LGSN: variants seen among roughly 807,000 people sequenced by gnomAD.
LGSN encodes lengsin, lens protein with glutamine synthetase domain.
Under a neutral mutation model 19.5 loss-of-function variants are expected in LGSN, and 21 were observed. The observed-to-expected ratio is 1.07, with a 90% CI of 0.76 to 1.55. The LOEUF (loss-of-function observed/expected upper bound fraction) is 1.55. Among genes scored for constraint, LGSN ranks in the 40% most tolerant of loss-of-function variants. LGSN has a pLI of 0.00. For missense variants in LGSN, 673 were observed against 608.5 expected (o/e 1.11, Z -1.12); for synonymous variants, 257 against 215.6 (o/e 1.19, Z -1.68).
the LGSN span, among the ~76,000 whole-genome samples, chr6:63,368,807 CAG>C: frequency 7.2e-5 from 11 of 152,152 alleles, no homozygotes; most frequent in African/African-American, 2.4e-4. Flanking sequence ...AAGCCTGGCA[CAG>C]AGTTACTGCA....
the LGSN span, among the ~76,000 whole-genome samples, chr6:63,488,504 A>T: frequency 1.3e-5 from 2 of 152,106 alleles, no homozygotes; most frequent in African/African-American, 4.8e-5. Flanking sequence ...AGCCTTTTTC[A>T]TGAAGGGAAA....
chr6:63,308,330 G>T (rs1224766154), intron 1 of LGSN, among the ~76,000 whole-genome samples: 2 of 152,082 alleles, frequency 1.3e-5, no homozygotes, highest in Non-Finnish European at 2.9e-5. Context: ...TTCATTACAA[G>T]ACATTTTCAT....
At chr6:63,356,426 C>T in the LGSN span, among the ~76,000 whole-genome samples, 1 of 152,056 alleles carries the variant, frequency 6.6e-6, no homozygotes, top group African/African-American at 2.4e-5. Flanking sequence ...CCTGTGATCC[C>T]AGCTACTCGG....
the LGSN span, among the ~76,000 whole-genome samples, chr6:63,548,390 C>T: frequency 5.8e-4 from 88 of 152,282 alleles, no homozygotes; most frequent in African/African-American, 1.9e-3. Context: ...AGGCTTAGAA[C>T]GGCACTAGGC....
intron 1 of LGSN, among the ~76,000 whole-genome samples, chr6:63,303,314 G>A (rs1768261497): frequency 6.6e-6 from 1 of 152,136 alleles, no homozygotes; most frequent in Admixed American, 6.5e-5. Context: ...GAAGGCTAAT[G>A]CAATAACAAT....
chr6:63,315,979 T>C (rs1768834612), intron 1 of LGSN, among the ~76,000 whole-genome samples: 1 of 151,990 alleles, frequency 6.6e-6, no homozygotes. Flanking sequence ...GCTTGGAATT[T>C]GCAATGAATC....
the LGSN span, among the ~76,000 whole-genome samples, chr6:63,397,841 GAGGC>G: frequency 6.6e-6 from 1 of 152,042 alleles, no homozygotes; most frequent in Non-Finnish European, 1.5e-5. Flanking sequence ...TCGGGAAGCT[GAGGC>G]ACAAGAATCA....
the LGSN span, among the ~76,000 whole-genome samples, chr6:63,423,200 G>A: frequency 2.6e-5 from 4 of 152,112 alleles, no homozygotes; most frequent in Admixed American, 2.6e-4. Context: ...TAAAAAATGA[G>A]CCAGGAGCAG....
the LGSN span, among the ~76,000 whole-genome samples, chr6:63,421,859 T>G: frequency 1.3e-5 from 2 of 152,148 alleles, no homozygotes; most frequent in South Asian, 4.1e-4. Context: ...TCCTCACAGT[T>G]CTGGAGGGAA....
At chr6:63,281,554 T>G (rs1034636377) in intron 3 of LGSN, among the ~76,000 whole-genome samples, 2 of 151,924 alleles carry the variant, frequency 1.3e-5, no homozygotes, top group Non-Finnish European at 2.9e-5. Flanking sequence ...AGGAAAAGCC[T>G]TATGGAATTA....
chr6:63,431,399 A>T, the LGSN span, among the ~76,000 whole-genome samples: 2 of 152,324 alleles, frequency 1.3e-5, no homozygotes, highest in East Asian at 1.9e-4. Context: ...TGATCCCCAG[A>T]TGTTGACATC....
the LGSN span, among the ~76,000 whole-genome samples, chr6:63,463,415 C>G: frequency 6.6e-6 from 1 of 152,064 alleles, no homozygotes; most frequent in Non-Finnish European, 1.5e-5. Context: ...GTCTCATCTG[C>G]CACTCTTGTA....
the LGSN span, among the ~76,000 whole-genome samples, chr6:63,368,112 A>G: frequency 6.8e-6 from 1 of 147,570 alleles, no homozygotes; most frequent in Non-Finnish European, 1.5e-5. Context: ...GAAAAAAAGA[A>G]GCCAGAAAAA....
the LGSN span, among the ~76,000 whole-genome samples, chr6:63,569,308 T>C: frequency 6.6e-6 from 1 of 152,204 alleles, no homozygotes; most frequent in Non-Finnish European, 1.5e-5. Flanking sequence ...CAGGCTAGAG[T>C]GCAGTGCCAT....
the LGSN span, among the ~76,000 whole-genome samples, chr6:63,532,403 T>C: frequency 6.6e-6 from 1 of 152,182 alleles, no homozygotes; most frequent in African/African-American, 2.4e-5. Context: ...GCTCACATAC[T>C]ACCAGTACCA....
the LGSN span, among the ~76,000 whole-genome samples, chr6:63,378,681 C>G: frequency 6.6e-6 from 1 of 152,050 alleles, no homozygotes; most frequent in Non-Finnish European, 1.5e-5. Flanking sequence ...GAGGGAGATG[C>G]CAGGCTCTTT....
At chr6:63,335,719 C>T in the LGSN span, among the ~76,000 whole-genome samples, 471 of 151,778 alleles carry the variant, frequency 3.1e-3, 3 homozygotes, top group African/African-American at 0.01. Context: ...TTAGTGGAAA[C>T]GTAAATTAAT....
chr6:63,361,928 A>G, the LGSN span, among the ~76,000 whole-genome samples: 1 of 152,180 alleles, frequency 6.6e-6, no homozygotes, highest in Non-Finnish European at 1.5e-5. Flanking sequence ...ATAAATATTC[A>G]TTTTGCAGGT....
At chr6:63,423,197 T>A in the LGSN span, among the ~76,000 whole-genome samples, 1 of 152,006 alleles carries the variant, frequency 6.6e-6, no homozygotes, top group Non-Finnish European at 1.5e-5. Flanking sequence ...AAATAAAAAA[T>A]GAGCCAGGAG....
Sources: gnomAD v4.1 joint callset for allele counts (sites outside exome capture counted in the v4.1 genomes callset) on GRCh38, gnomAD v4.1.1 for gene constraint, MANE v1.5 for transcripts, NCBI Gene and HGNC (gene_info 2026-07-23, HGNC 2026-07-21) for gene names.